Variants in POU6F2 observed in about 807,000 individuals in gnomAD.
The protein encoded by POU6F2 is POU domain, class 6, transcription factor 2.
In POU6F2, 31 loss-of-function variants were observed where a neutral mutation model predicts 71.3. The observed-to-expected ratio is 0.43, with a 90% CI of 0.33 to 0.59. The LOEUF (loss-of-function observed/expected upper bound fraction) is 0.59. Among genes scored for constraint, POU6F2 ranks in the 20% least tolerant of loss-of-function variants. POU6F2 has a pLI of 0.04. For missense variants in POU6F2, 783 were observed against 856.8 expected, an observed-to-expected ratio of 0.91 and a Z score of 1.07; for synonymous variants, 347 against 355.7, an observed-to-expected ratio of 0.98 and a Z score of 0.27.
intron 4 of POU6F2, among the ~76,000 whole-genome samples, chr7:39,324,079 G>A (rs938939266): frequency 2.0e-5 from 3 of 146,700 alleles, no homozygotes; most frequent in African/African-American, 7.6e-5. Context: ...CTGCACTCCA[G>A]CCTGGGGACA....
intron 1 of POU6F2, among the ~76,000 whole-genome samples, chr7:38,992,704 T>G (rs1333917815): frequency 6.6e-6 from 1 of 152,058 alleles, no homozygotes; most frequent in African/African-American, 2.4e-5. Context: ...TTCTTCTATT[T>G]TTTTGCGGCA....
intron 2 of POU6F2, among the ~76,000 whole-genome samples, chr7:39,097,347 T>G (rs1247536605): frequency 6.6e-6 from 1 of 152,184 alleles, no homozygotes; most frequent in African/African-American, 2.4e-5. Flanking sequence ...AATAAAACAA[T>G]TGATGAAAAT....
chr7:39,017,990 T>C (rs2128705987), intron 1 of POU6F2, among the ~76,000 whole-genome samples: 1 of 152,306 alleles, frequency 6.6e-6, no homozygotes, highest in East Asian at 1.9e-4. Flanking sequence ...CCTTGCTGTA[T>C]TGGCTAACAT....
intron 2 of POU6F2, among the ~76,000 whole-genome samples, chr7:39,144,142 C>T (rs1792565236): frequency 6.6e-6 from 1 of 152,130 alleles, no homozygotes. Context: ...AACTTGGGCT[C>T]TTTTAAGAAT....
At chr7:39,185,898 T>G (rs1793530756) in intron 2 of POU6F2, among the ~76,000 whole-genome samples, 1 of 146,322 alleles carries the variant, frequency 6.8e-6, no homozygotes, top group African/African-American at 2.5e-5. Flanking sequence ...TATATGTATA[T>G]GTATATATAT....
Position 39,446,303 on chromosome 7 carries a change from C to T in POU6F2, c.1321-5230C>T, listed in dbSNP as rs541054234. ...GAAGGCCAGCCCTCCTTCATTTTGC[C>T]TTTGCAGATTTAGAGAGATTTTTCC... On this transcript the variant is annotated intron_variant, in intron 7 of 9. Coordinates refer to ENST00000518318, the MANE Select transcript of POU6F2 (RefSeq NM_001370959.1). Among the ~76,000 whole-genome samples the T allele has an allele frequency of 5.3e-5, 8 of 152,324 alleles. No homozygotes were observed. In the East Asian group the frequency reaches 1.5e-3, roughly 29 times the overall value.
intron 1 of POU6F2, among the ~76,000 whole-genome samples, chr7:39,066,356 AGTATT>A (rs1790753001): frequency 6.6e-6 from 1 of 151,770 alleles, no homozygotes; most frequent in Non-Finnish European, 1.5e-5. Flanking sequence ...ACTATTGTTA[AGTATT>A]ATTTTGCTTA....
chr7:39,440,699 C>T (rs1005572824), intron 7 of POU6F2, among the ~76,000 whole-genome samples: 5 of 152,172 alleles, frequency 3.3e-5, no homozygotes, highest in Non-Finnish European at 7.3e-5. Context: ...TTCATCTGAT[C>T]CTCCATCCAG....
chr7:38,983,593 A>G (rs1220281400), intron 1 of POU6F2, among the ~76,000 whole-genome samples: 1 of 152,038 alleles, frequency 6.6e-6, no homozygotes, highest in Admixed American at 6.5e-5. Context: ...TGCGAGTGAA[A>G]CACTATCACT....
rs1789068627 is a variant in POU6F2, at chr7:39,466,244, T to G, written c.*1558T>G. On this transcript the variant is annotated 3_prime_UTR_variant, in exon 10 of 10. Transcript: ENST00000518318. ...AATATAGAAGGGGCTTATCTAACAA[T>G]CAGAATAGCCTGCAATATGAGAACT... is the stretch of plus-strand genomic sequence containing the variant. 6.6e-6 allele frequency: 1 copy of G among 151,996 alleles called. No individual in the cohort carries two copies. The highest frequency in any genetic ancestry group is 2.4e-5 in the African/African-American group (1 of 41,336). The allele number at this position is 151,996 out of a possible 1,614,324, so 9.4% of individuals were successfully genotyped here.
chr7:39,099,848 A>T (rs1004402977), intron 2 of POU6F2, among the ~76,000 whole-genome samples: 2 of 152,090 alleles, frequency 1.3e-5, no homozygotes, highest in African/African-American at 2.4e-5. Flanking sequence ...ACTTATTCTG[A>T]TGGGGGTTCT....
chr7:39,097,386 A>G (rs1056978285), intron 2 of POU6F2, among the ~76,000 whole-genome samples: 1 of 152,150 alleles, frequency 6.6e-6, no homozygotes, highest in Admixed American at 6.5e-5. Context: ...GATCATTTCT[A>G]TATTGAATCT....
At chr7:39,016,269 C>G (rs1789546674) in intron 1 of POU6F2, among the ~76,000 whole-genome samples, 1 of 147,002 alleles carries the variant, frequency 6.8e-6, no homozygotes, top group Non-Finnish European at 1.5e-5. Context: ...ACAGTATATA[C>G]TATATAATAA....
chr7:39,368,883 A>T (rs538290599), intron 5 of POU6F2, among the ~76,000 whole-genome samples: 1 of 152,314 alleles, frequency 6.6e-6, no homozygotes, highest in East Asian at 1.9e-4. Flanking sequence ...AAAGAAGTTG[A>T]TTCCAACCTT....
At chr7:39,085,351 T>C (rs1206948457) in intron 1 of POU6F2, among the ~76,000 whole-genome samples, 1 of 152,130 alleles carries the variant, frequency 6.6e-6, no homozygotes, top group Non-Finnish European at 1.5e-5. Context: ...ATCTTTTTTC[T>C]CTGCTCTTGG....
intron 5 of POU6F2, among the ~76,000 whole-genome samples, chr7:39,341,692 G>GTGTGTCC: frequency 6.6e-6 from 1 of 152,192 alleles, no homozygotes; most frequent in East Asian, 1.9e-4. Context: ...AATTACTTAG[G>GTGTGTCC]TGTGTCCCCA....
chr7:39,294,766 T>C (rs1382139316), intron 4 of POU6F2, among the ~76,000 whole-genome samples: 2 of 152,076 alleles, frequency 1.3e-5, no homozygotes, highest in African/African-American at 4.8e-5. Context: ...GGGTGGCTAA[T>C]GTTTATCCAG....
At chr7:39,009,642 T>G (rs1789203425) in intron 1 of POU6F2, among the ~76,000 whole-genome samples, 1 of 152,246 alleles carries the variant, frequency 6.6e-6, no homozygotes, top group South Asian at 2.1e-4. Flanking sequence ...CCACTCAGTA[T>G]GATATTGGCT....
chr7:39,043,296 C>T (rs1790227005), intron 1 of POU6F2, among the ~76,000 whole-genome samples: 1 of 151,840 alleles, frequency 6.6e-6, no homozygotes, highest in Non-Finnish European at 1.5e-5. Flanking sequence ...GAAATTTCAC[C>T]ATCTGACCTA....
Sources: gnomAD v4.1 joint callset for allele counts (sites outside exome capture counted in the v4.1 genomes callset) on GRCh38, gnomAD v4.1.1 for gene constraint, MANE v1.5 for transcripts, NCBI Gene and HGNC (gene_info 2026-07-23, HGNC 2026-07-21) for gene names.